The following FNDC1 variants were observed in gnomAD, a reference collection of about 807,000 sequenced individuals.
FNDC1 encodes the protein fibronectin type III domain-containing protein 1.
In FNDC1, 96 loss-of-function variants were observed where a neutral mutation model predicts 168.0. The observed-to-expected ratio is 0.57, with a 90% CI of 0.48 to 0.68. FNDC1 has a LOEUF of 0.68. Among genes scored for constraint, FNDC1 ranks in the 30% least tolerant of loss-of-function variants. The probability of loss-of-function intolerance (pLI) is 0.00; values close to 1 mark genes in which losing one functional copy is unlikely to be tolerated. For missense variants in FNDC1, 2,587 were observed against 2,482.1 expected (o/e 1.04, Z -0.90); for synonymous variants, 1,099 against 1,025.9 (o/e 1.07, Z -1.36).
intron 1 of FNDC1, among the ~76,000 whole-genome samples, chr6:159,188,711 G>T (rs988917910): frequency 2.0e-5 from 3 of 151,148 alleles, no homozygotes; most frequent in Admixed American, 2.0e-4. Context: ...CAAATACACT[G>T]GCTGTGGGGG....
chr6:159,169,761 G>A lies in FNDC1; in HGVS notation c.109+56G>A. On this transcript the variant is annotated intron_variant, in intron 1 of 22. Coordinates refer to ENST00000297267, the MANE Select transcript of FNDC1 (RefSeq NM_032532.3). The surrounding 1 kb of genome is among the most constrained non-coding windows in gnomAD (Gnocchi z 6.8). ...CTCAGCTCCCCGCGCACCCTCCTGC[G>A]CTCGGGCCCCGTCGTCCCGCTCAGT... The A allele has an allele frequency of 1.4e-6, 1 of 698,772 alleles. No homozygotes were observed. Among genetic ancestry groups the A allele is most frequent in the Non-Finnish European group, 1.9e-6 (1 of 529,956 alleles). 43.3% of individuals were successfully genotyped at this position (698,772 alleles called of 1,614,324 possible). A position where few individuals can be genotyped will look rare whatever the true frequency, so the allele number is the denominator to read the frequency against.
intron 5 of FNDC1, among the ~76,000 whole-genome samples, chr6:159,219,046 C>CTTTT (rs11435161): frequency 6.8e-6 from 1 of 146,724 alleles, no homozygotes. Context: ...AGTTTCCCCT[C>CTTTT]TTTTTTTTTT....
chr6:159,254,172 C>T (rs935824559), intron 17 of FNDC1, among the ~76,000 whole-genome samples: 4 of 152,162 alleles, frequency 2.6e-5, no homozygotes, highest in African/African-American at 4.8e-5. Context: ...TAGGTGCATT[C>T]GATGTTATTG....
At position 159,238,681 on chromosome 6, in the gene FNDC1, T is replaced by C; in HGVS notation, c.4180+16T>C. On this transcript the variant is annotated intron_variant, in intron 13 of 22. Coordinates refer to ENST00000297267, the MANE Select transcript of FNDC1 (RefSeq NM_032532.3). ...ACCATTGTAGGTAAGGGAGAATGGT[T>C]TTTAAAGAATAAAAGCCTACTGAAT... The C allele has an allele frequency of 6.6e-7, 1 of 1,515,826 alleles. No individual in the cohort carries two copies. Among genetic ancestry groups the C allele is most frequent in the Non-Finnish European group, 9.0e-7 (1 of 1,108,312 alleles). 93.9% of individuals were successfully genotyped at this position (1,515,826 alleles called of 1,614,324 possible).
At position 159,234,755 on chromosome 6, in the gene FNDC1, T is replaced by C. The variant is rs367942130; in HGVS notation, c.3967+276T>C. ...CCATTCCAATTCCAAATGGCCTAAT[T>C]TCACAGCCATTACTAACCCACATTG... On this transcript the variant is annotated intron_variant, in intron 11 of 22. Coordinates refer to ENST00000297267, the MANE Select transcript of FNDC1 (RefSeq NM_032532.3). Among the ~76,000 whole-genome samples, 10 of 152,326 alleles carry C rather than the reference T, an allele frequency of 6.6e-5. No homozygotes were observed. The East Asian group carries it at 7.7e-4, about 12-fold the overall frequency.
intron 4 of FNDC1, among the ~76,000 whole-genome samples, chr6:159,208,592 C>A (rs568691440): frequency 3.3e-5 from 5 of 152,126 alleles, no homozygotes; most frequent in African/African-American, 1.2e-4. Flanking sequence ...GTGAAACTGA[C>A]GGCACAAAGT....
intron 15 of FNDC1, among the ~76,000 whole-genome samples, chr6:159,248,597 C>A (rs1166936306): frequency 2.6e-5 from 4 of 151,954 alleles, no homozygotes; most frequent in African/African-American, 4.8e-5. Flanking sequence ...AGCCACCACA[C>A]CTGGCCAAAA....
intron 4 of FNDC1, among the ~76,000 whole-genome samples, chr6:159,207,435 T>TA (rs1298213086): frequency 6.6e-6 from 1 of 152,170 alleles, no homozygotes; most frequent in Non-Finnish European, 1.5e-5. Context: ...AGTAGTTTAA[T>TA]AAAACCTAAT....
chr6:159,256,803 G>C (rs1485295372), intron 18 of FNDC1, among the ~76,000 whole-genome samples, 172 bp downstream of exon 18: 1 of 152,182 alleles, frequency 6.6e-6, no homozygotes, highest in Non-Finnish European at 1.5e-5. Context: ...AAGTTTCTTA[G>C]AAGAGATGAC....
intron 8 of FNDC1, 97 bp downstream of exon 8, chr6:159,225,819 G>A: frequency 1.8e-6 from 2 of 1,117,690 alleles, no homozygotes; most frequent in South Asian, 1.9e-5. Context: ...ACAAAGGCCA[G>A]CGTGGGCATT....
chr6:159,196,907 G>A (rs570858988), intron 1 of FNDC1, among the ~76,000 whole-genome samples: 9 of 152,202 alleles, frequency 5.9e-5, no homozygotes, highest in East Asian at 3.9e-4. Context: ...AGTTTTACTC[G>A]CCCTTTAAGC....
intron 22 of FNDC1, among the ~76,000 whole-genome samples, chr6:159,270,443 G>A (rs921407053): frequency 6.6e-6 from 1 of 151,966 alleles, no homozygotes; most frequent in Non-Finnish European, 1.5e-5. Flanking sequence ...TTTTTTCTGG[G>A]TCTTACAGTC....
At chr6:159,194,868 C>T (rs985685859) in intron 1 of FNDC1, among the ~76,000 whole-genome samples, 2 of 152,048 alleles carry the variant, frequency 1.3e-5, no homozygotes, top group Non-Finnish European at 2.9e-5. Flanking sequence ...ATCTGGGTCT[C>T]CTGTTTGTCT....
rs1217446960 is a variant in FNDC1 at position 159,221,653 on chromosome 6, C to A, written c.723C>A (p.Ser241Arg). Residue 241 changes from serine to arginine, a missense_variant, in exon 6 of 23, where the codon AGC (serine) becomes AGA (arginine). Ser to Arg is a moderately radical substitution (Grantham distance 110, BLOSUM62 -1). Coordinates refer to ENST00000297267, the MANE Select transcript of FNDC1 (RefSeq NM_032532.3). ...SLQSMNSQGR[S>R]QPVYRAALTK... Reference sequence around the variant, plus strand: ...AGTCCATGAACTCTCAGGGCCGGAGCCAACCAGTCTACAGGGCTGCCCTAA... The same window carrying A: ...AGTCCATGAACTCTCAGGGCCGGAGACAACCAGTCTACAGGGCTGCCCTAA... 3 of 1,613,868 alleles carry A rather than the reference C, an allele frequency of 1.9e-6. No individual in the cohort carries two copies. The highest frequency in any genetic ancestry group is 2.7e-5 in the African/African-American group (2 of 74,936).
chr6:159,199,618 T>C (rs1366109927), intron 2 of FNDC1, among the ~76,000 whole-genome samples: 1 of 152,220 alleles, frequency 6.6e-6, no homozygotes, highest in Admixed American at 6.5e-5. Context: ...GGATTATTAG[T>C]AGTGACTGAC....
intron 2 of FNDC1, among the ~76,000 whole-genome samples, chr6:159,197,967 CTA>C (rs1562633713): frequency 6.6e-6 from 1 of 152,184 alleles, no homozygotes; most frequent in Non-Finnish European, 1.5e-5. Flanking sequence ...GTGGGCTGAT[CTA>C]GAGACTTCGA....
At chr6:159,208,861 T>G (rs971005558) in intron 4 of FNDC1, among the ~76,000 whole-genome samples, 2 of 150,776 alleles carry the variant, frequency 1.3e-5, no homozygotes, top group African/African-American at 4.9e-5. Flanking sequence ...TTTTTTTTTT[T>G]TTTGAGACAG....
chr6:159,260,358 C>G (rs294884), intron 18 of FNDC1, among the ~76,000 whole-genome samples: 124,301 of 152,224 alleles, frequency 0.82, 51,016 homozygotes, highest in Middle Eastern at 0.88. Context: ...ATGCAAATAA[C>G]ATGCTTCGAG....
Position 159,266,162 on chromosome 6 carries a change from A to C in FNDC1, c.5363A>C (p.Lys1788Thr). 6.2e-7 allele frequency: 1 copy of C among 1,614,028 alleles called. No homozygotes were observed. The highest frequency in any genetic ancestry group is 8.5e-7 in the Non-Finnish European group (1 of 1,179,884). The change falls in exon 21 of 23, where the codon AAG (lysine) becomes ACG (threonine). Residue 1788 changes from lysine to threonine, a missense_variant. Lys to Thr is a moderately conservative substitution (Grantham distance 78, BLOSUM62 -1). Coordinates refer to ENST00000297267, the MANE Select transcript of FNDC1 (RefSeq NM_032532.3). ...YTDCHGRQYV[K>T]RTWYRKFVGV... ...GACTGCCATGGACGGCAATATGTGA[A>C]GCGCACGTGGTATCGAAAGTTCGTG... is the stretch of plus-strand genomic sequence containing the variant.
Sources: gnomAD v4.1 joint callset for allele counts (sites outside exome capture counted in the v4.1 genomes callset) on GRCh38, gnomAD v4.1.1 for gene constraint, Gnocchi (gnomAD v3.1) non-coding constraint, MANE v1.5 for transcripts, NCBI Gene and HGNC (gene_info 2026-07-23, HGNC 2026-07-21) for gene names.